BMPR1B: variants seen among roughly 807,000 people sequenced by gnomAD.
BMPR1B encodes bone morphogenetic protein receptor type 1B, also known as bone morphogenetic protein receptor type-1B.
BMPR1B carries 12 observed loss-of-function variants against 59.1 expected under a neutral mutation model. That is an observed-to-expected ratio of 0.20 (90% CI 0.13 to 0.33). BMPR1B has a LOEUF of 0.33. Among genes scored for constraint, BMPR1B ranks in the 10% least tolerant of loss-of-function variants. BMPR1B has a pLI of 1.00. For missense variants in BMPR1B, 550 were observed against 610.9 expected, an observed-to-expected ratio of 0.90 and a Z score of 1.05; for synonymous variants, 237 against 207.3, an observed-to-expected ratio of 1.14 and a Z score of -1.23.
chr4:94,912,781 G>A (rs1728330016), intron 2 of BMPR1B, among the ~76,000 whole-genome samples: 1 of 152,110 alleles, frequency 6.6e-6, no homozygotes, highest in Admixed American at 6.6e-5. Flanking sequence ...CTTAGGGAGG[G>A]CACTTTTCTC....
chr4:94,825,611 A>G (rs909747676), intron 1 of BMPR1B, among the ~76,000 whole-genome samples: 21 of 152,118 alleles, frequency 1.4e-4, no homozygotes, highest in African/African-American at 5.1e-4. Flanking sequence ...TCTCATTGGC[A>G]AGAATTGGGA....
chr4:94,816,181 G>C (rs4235439), intron 1 of BMPR1B, among the ~76,000 whole-genome samples: 127,973 of 152,176 alleles, frequency 0.84, 53,928 homozygotes, highest in East Asian at 0.95. Context: ...GAGTCTTGCT[G>C]TGTCAACTAG....
rs142678226 is a variant in BMPR1B, at chr4:94,877,959, C to CGT, written c.-113+2070_-113+2071dup. On this transcript the variant is annotated intron_variant, in intron 2 of 12. Coordinates refer to ENST00000515059, the MANE Select transcript of BMPR1B (RefSeq NM_001203.3). Reference sequence around the variant, plus strand: ...GTGTTTGTGTGCATGCACATGTGTGCGTGTGTGTGTGTATATGCATTTACA... The same window carrying CGT: ...GTGTTTGTGTGCATGCACATGTGTGCGTGTGTGTGTGTGTATATGCATTTACA... Among the ~76,000 whole-genome samples the CGT allele has an allele frequency of 4.0e-5, 6 of 151,722 alleles. No individual in the cohort carries two copies. The East Asian group carries it at 5.8e-4, about 15-fold the overall frequency.
rs548956012 is a variant in BMPR1B, at chr4:95,155,475, C to CTTTTTTTTTTTT, written c.*823_*834dup. 8 of 64,298 alleles carry CTTTTTTTTTTTT rather than the reference C, an allele frequency of 1.2e-4. 1 individual carries two copies. Among genetic ancestry groups the CTTTTTTTTTTTT allele is most frequent in the Admixed American group, 2.1e-4 (1 of 4,788 alleles). The allele number at this position is 64,298 out of a possible 1,614,324, so 4.0% of individuals were successfully genotyped here. A position where few individuals can be genotyped will look rare whatever the true frequency, so the allele number is the denominator to read the frequency against. ...CCCTTTTCATTAAACACAAAGAAAG[C>CTTTTTTTTTTTT]TTTTTTTTTTTTTTTTTTTTTTTTT... On this transcript the variant is annotated 3_prime_UTR_variant, in exon 13 of 13. Coordinates refer to ENST00000515059, the MANE Select transcript of BMPR1B (RefSeq NM_001203.3).
At chr4:95,113,397 C>G (rs1236853078) in intron 4 of BMPR1B, among the ~76,000 whole-genome samples, 1 of 152,072 alleles carries the variant, frequency 6.6e-6, no homozygotes, top group Non-Finnish European at 1.5e-5. Flanking sequence ...ACCAAGTAAA[C>G]AATTCTGAGG....
At chr4:94,782,263 A>G (rs1033980024) in intron 1 of BMPR1B, among the ~76,000 whole-genome samples, 1 of 151,940 alleles carries the variant, frequency 6.6e-6, no homozygotes, top group Non-Finnish European at 1.5e-5. Flanking sequence ...CAGTTGAAAG[A>G]TACAGATACT....
intron 2 of BMPR1B, among the ~76,000 whole-genome samples, chr4:94,944,642 G>T (rs1427059113): frequency 6.6e-6 from 1 of 152,164 alleles, no homozygotes; most frequent in Non-Finnish European, 1.5e-5. Context: ...ACGGTGAAAT[G>T]ATGATGATGT....
chr4:94,779,441 A>C (rs2110584020), intron 1 of BMPR1B, among the ~76,000 whole-genome samples: 1 of 152,280 alleles, frequency 6.6e-6, no homozygotes, highest in Non-Finnish European at 1.5e-5. Context: ...AAATAGTGAT[A>C]ATGATCATAT....
chr4:94,845,090 G>GA (rs35805649), intron 1 of BMPR1B, among the ~76,000 whole-genome samples: 93,079 of 151,652 alleles, frequency 0.61, 29,570 homozygotes, highest in African/African-American at 0.78. Context: ...ACTAAAAGAT[G>GA]AAAAAAATCA....
intron 1 of BMPR1B, among the ~76,000 whole-genome samples, chr4:94,796,074 A>G (rs1240743418): frequency 1.3e-5 from 2 of 149,928 alleles, no homozygotes; most frequent in African/African-American, 4.9e-5. Flanking sequence ...AAGCGATTCT[A>G]CTGCCTCAGC....
chr4:95,100,819 GTTA>G (rs1001742269), intron 3 of BMPR1B, among the ~76,000 whole-genome samples: 20 of 152,132 alleles, frequency 1.3e-4, no homozygotes, highest in African/African-American at 4.1e-4. Context: ...TTCTTTACTT[GTTA>G]TTCTCTTTTT....
intron 3 of BMPR1B, among the ~76,000 whole-genome samples, chr4:95,014,076 GT>G (rs1286208241): frequency 6.6e-6 from 1 of 152,094 alleles, no homozygotes; most frequent in African/African-American, 2.4e-5. Flanking sequence ...GTTTATTACT[GT>G]TTATCTGGTG....
intron 1 of BMPR1B, among the ~76,000 whole-genome samples, chr4:94,777,957 C>A (rs754522674): frequency 6.6e-6 from 1 of 151,386 alleles, no homozygotes; most frequent in Admixed American, 6.6e-5. Flanking sequence ...ACCTGGGAGG[C>A]GGAGGTTGCA....
At position 95,042,002 on chromosome 4, in the gene BMPR1B, G is replaced by A. The variant is rs761376352; in HGVS notation, c.-18+45868G>A. ...CTCCTGAGTAGCTGGGACCATAGGC[G>A]CCAGCCACCACGCCCGGCTAATTTT... On this transcript the variant is annotated intron_variant, in intron 3 of 12. Coordinates refer to ENST00000515059, the MANE Select transcript of BMPR1B (RefSeq NM_001203.3). 8.5e-5 allele frequency among the ~76,000 whole-genome samples: 13 copies of A among 152,136 alleles called. No individual in the cohort carries two copies. The East Asian group carries it at 1.9e-3, about 23-fold the overall frequency.
At chr4:94,860,344 T>G (rs1644704492) in intron 1 of BMPR1B, among the ~76,000 whole-genome samples, 1 of 152,142 alleles carries the variant, frequency 6.6e-6, no homozygotes, top group Non-Finnish European at 1.5e-5. Flanking sequence ...AGATGTTGAG[T>G]AAATACTGTT....
In BMPR1B at chr4:95,131,448, A is replaced by C. The variant is rs1167826885; in HGVS notation, c.1012A>C (p.Ile338Leu). ...IAHRDLKSKNILVKKNGTCCI... is the reference protein window; with the variant it reads ...IAHRDLKSKNLLVKKNGTCCI... ...CCATCGAGATCTGAAAAGTAAAAAC[A>C]TTCTGGTGAAGAAAAATGGAACTTG... Residue 338 changes from isoleucine (I) to leucine (L), a missense_variant, in exon 10 of 13, where the codon ATT (isoleucine) becomes CTT (leucine). By Grantham distance (5) the Ile-to-Leu change is conservative. This residue lies in a region of BMPR1B where 318 missense variants were observed against 284.6 expected (regional missense o/e 1.12). Coordinates refer to ENST00000515059, the MANE Select transcript of BMPR1B (RefSeq NM_001203.3). 6.2e-7 allele frequency: 1 copy of C among 1,614,102 alleles called. No homozygotes were observed. The highest frequency in any genetic ancestry group is 2.2e-5 in the East Asian group (1 of 44,874).
chr4:94,865,602 A>T (rs1726192896), intron 1 of BMPR1B, among the ~76,000 whole-genome samples: 1 of 151,978 alleles, frequency 6.6e-6, no homozygotes, highest in South Asian at 2.1e-4. Context: ...TATATTGGCC[A>T]GGCTGGTCTT....
At chr4:94,933,656 A>G (rs545193660) in intron 2 of BMPR1B, among the ~76,000 whole-genome samples, 14 of 152,246 alleles carry the variant, frequency 9.2e-5, no homozygotes, top group African/African-American at 3.4e-4. Flanking sequence ...CTAACATAGT[A>G]TGGTTGACCA....
intron 1 of BMPR1B, among the ~76,000 whole-genome samples, chr4:94,850,905 G>A (rs1020530314): frequency 6.6e-6 from 1 of 152,158 alleles, no homozygotes; most frequent in Non-Finnish European, 1.5e-5. Flanking sequence ...TTTCCCATGA[G>A]GGCAATAAAT....
Sources: allele counts gnomAD v4.1 joint callset (sites outside exome capture counted in the v4.1 genomes callset), GRCh38; gene constraint gnomAD v4.1.1; regional missense constraint gnomAD v4.1.1; transcripts MANE v1.5; gene names NCBI Gene and HGNC (gene_info 2026-07-23, HGNC 2026-07-21).